The following STXBP6 variants were observed in gnomAD, a reference collection of about 807,000 sequenced individuals.
STXBP6 encodes the protein syntaxin binding protein 6.
In STXBP6, 21 loss-of-function variants were observed where a neutral mutation model predicts 26.9. The observed-to-expected ratio is 0.78, with a 90% CI of 0.55 to 1.12. STXBP6 has a LOEUF of 1.12. STXBP6 is among the 50% of genes most tolerant of loss of function. STXBP6 has a pLI of 0.00. For missense variants in STXBP6, 232 were observed against 257.9 expected, an observed-to-expected ratio of 0.90 and a Z score of 0.69; for synonymous variants, 97 against 92.6, an observed-to-expected ratio of 1.05 and a Z score of -0.27.
chr14:24,930,926 A>G (rs938656011), intron 2 of STXBP6, among the ~76,000 whole-genome samples: 1 of 147,150 alleles, frequency 6.8e-6, no homozygotes, highest in African/African-American at 2.5e-5. Flanking sequence ...CCTGGCTAAC[A>G]AGGTGAAACC....
chr14:25,019,853 A>G (rs1595332832), intron 1 of STXBP6, among the ~76,000 whole-genome samples: 1 of 150,138 alleles, frequency 6.7e-6, no homozygotes, highest in Non-Finnish European at 1.5e-5. Flanking sequence ...TTATTATAAA[A>G]TACAAGTTTC....
rs906528926 is a variant in STXBP6, at chr14:24,809,988, G to C, written c.*2721C>G. The C allele has an allele frequency of 6.6e-6, 1 of 152,068 alleles. No individual in the cohort carries two copies. The highest frequency in any genetic ancestry group is 2.1e-4 in the South Asian group (1 of 4,826). 9.4% of individuals were successfully genotyped at this position (152,068 alleles called of 1,614,324 possible). ...GAACTTCTTCAGAGCTTGAAAAAAGGTAACTACTGATCATGTTACATTTTA... is the reference window on the plus strand; with the variant it reads ...GAACTTCTTCAGAGCTTGAAAAAAGCTAACTACTGATCATGTTACATTTTA... On this transcript the variant is annotated 3_prime_UTR_variant, in exon 6 of 6. Transcript: ENST00000323944.
rs767480814 is a variant in STXBP6 at position 24,811,280 on chromosome 14, C to G, written c.*1429G>C. 1.3e-5 allele frequency: 2 copies of G among 152,058 alleles called. No homozygotes were observed. Among genetic ancestry groups the G allele is most frequent in the Non-Finnish European group, 2.9e-5 (2 of 68,020 alleles). The allele number at this position is 152,058 out of a possible 1,614,324, so 9.4% of individuals were successfully genotyped here. A position where few individuals can be genotyped will look rare whatever the true frequency, so the allele number is the denominator to read the frequency against. On this transcript the variant is annotated 3_prime_UTR_variant, in exon 6 of 6. Coordinates refer to ENST00000323944, the MANE Select transcript of STXBP6 (RefSeq NM_001394410.1). ...AACAATCCAAAAGTCATCTTATGCTCCTATGTAAGAGGCTGCAATACATAT... is the reference window on the plus strand; with the variant it reads ...AACAATCCAAAAGTCATCTTATGCTGCTATGTAAGAGGCTGCAATACATAT...
intron 2 of STXBP6, among the ~76,000 whole-genome samples, chr14:24,941,098 G>A (rs530909744): frequency 6.6e-6 from 1 of 152,250 alleles, no homozygotes; most frequent in African/African-American, 2.4e-5. Flanking sequence ...CTCAACCCAA[G>A]AGATGAAAAA....
At chr14:24,893,483 T>C (rs772952965) in intron 2 of STXBP6, among the ~76,000 whole-genome samples, 10 of 152,166 alleles carry the variant, frequency 6.6e-5, no homozygotes, top group Non-Finnish European at 1.3e-4. Flanking sequence ...CGCCAAGCAG[T>C]GCTGTCTTGC....
At chr14:24,983,718 T>G (rs2074257439) in intron 1 of STXBP6, among the ~76,000 whole-genome samples, 1 of 152,202 alleles carries the variant, frequency 6.6e-6, no homozygotes, top group Admixed American at 6.5e-5. Flanking sequence ...ACATGAGCTT[T>G]TTATATTAGA....
chr14:24,903,504 C>T (rs972086481), intron 2 of STXBP6, among the ~76,000 whole-genome samples: 1 of 152,058 alleles, frequency 6.6e-6, no homozygotes, highest in African/African-American at 2.4e-5. Flanking sequence ...TTTAGTACTG[C>T]CTAACAGTCC....
chr14:25,033,726 C>T (rs527844560), intron 1 of STXBP6, among the ~76,000 whole-genome samples: 1 of 152,164 alleles, frequency 6.6e-6, no homozygotes, highest in Non-Finnish European at 1.5e-5. Flanking sequence ...AACATGTACC[C>T]CCCTGGAGCA....
chr14:24,853,629 G>A (rs2069230919), intron 4 of STXBP6, among the ~76,000 whole-genome samples: 2 of 152,060 alleles, frequency 1.3e-5, no homozygotes, highest in Admixed American at 1.3e-4. Flanking sequence ...TGACACCTGG[G>A]AAAACTGAAG....
At chr14:25,042,519 C>T (rs2075659621) in intron 1 of STXBP6, among the ~76,000 whole-genome samples, 1 of 152,210 alleles carries the variant, frequency 6.6e-6, no homozygotes, top group Non-Finnish European at 1.5e-5. Flanking sequence ...CTTCTACCTG[C>T]TCGGTCTTAC....
At chr14:25,046,374 CA>C (rs1273735460) in intron 1 of STXBP6, among the ~76,000 whole-genome samples, 2 of 152,328 alleles carry the variant, frequency 1.3e-5, no homozygotes, top group Non-Finnish European at 2.9e-5. Flanking sequence ...GTCAGGAAGA[CA>C]GGTTTGGGCC....
chr14:24,939,103 GC>G (rs2072708605), intron 2 of STXBP6, among the ~76,000 whole-genome samples: 1 of 152,152 alleles, frequency 6.6e-6, no homozygotes, highest in Admixed American at 6.5e-5. Flanking sequence ...GCATTTATTT[GC>G]TTTTGTCTGA....
chr14:24,939,899 T>C (rs1951799), intron 2 of STXBP6, among the ~76,000 whole-genome samples: 89,688 of 151,938 alleles, frequency 0.59, 27,467 homozygotes, highest in Middle Eastern at 0.7. Context: ...CACATAGAGC[T>C]AGTGGCTGCT....
intron 1 of STXBP6, among the ~76,000 whole-genome samples, chr14:25,014,503 C>T (rs983695494): frequency 2.6e-5 from 4 of 152,116 alleles, no homozygotes; most frequent in African/African-American, 4.8e-5. Flanking sequence ...TTAAAAGCAG[C>T]CATGAAAATG....
intron 1 of STXBP6, among the ~76,000 whole-genome samples, chr14:25,013,121 T>C (rs2075067424): frequency 6.6e-6 from 1 of 152,148 alleles, no homozygotes; most frequent in African/African-American, 2.4e-5. Flanking sequence ...ATCAATGTAA[T>C]GGTTTGAAAC....
chr14:25,021,394 T>C (rs1188620890), intron 1 of STXBP6, among the ~76,000 whole-genome samples: 1 of 152,192 alleles, frequency 6.6e-6, no homozygotes, highest in African/African-American at 2.4e-5. Flanking sequence ...GTCCTGCCTT[T>C]AAAGCACTCC....
chr14:25,049,620 G>A lies in STXBP6; in HGVS notation c.-33+258C>T. On this transcript the variant is annotated intron_variant, in intron 1 of 5. Coordinates refer to ENST00000323944, the MANE Select transcript of STXBP6 (RefSeq NM_001394410.1). The surrounding 1 kb of genome is among the most constrained non-coding windows in gnomAD (Gnocchi z 5.6). ...GCTTGCCCAATACTGCCCGCACAACGGGTCCCAGGGTTGGAGAGAACCAGG... is the reference window on the plus strand; with the variant it reads ...GCTTGCCCAATACTGCCCGCACAACAGGTCCCAGGGTTGGAGAGAACCAGG... 1 of 985,416 alleles carries A rather than the reference G, an allele frequency of 1.0e-6. No individual in the cohort carries two copies. The highest frequency in any genetic ancestry group is 1.2e-6 in the Non-Finnish European group (1 of 829,928). 61.0% of individuals were successfully genotyped at this position (985,416 alleles called of 1,614,324 possible).
intron 2 of STXBP6, among the ~76,000 whole-genome samples, chr14:24,961,662 G>A (rs1311933819): frequency 6.6e-6 from 1 of 151,946 alleles, no homozygotes; most frequent in South Asian, 2.1e-4. Context: ...GGGTGGAAAG[G>A]AATGAGGATT....
At chr14:24,910,409 G>A (rs568044930) in intron 2 of STXBP6, among the ~76,000 whole-genome samples, 1 of 152,174 alleles carries the variant, frequency 6.6e-6, no homozygotes, top group Non-Finnish European at 1.5e-5. Context: ...TATCCCTGCA[G>A]CCTGCTGCAG....
Sources: allele counts gnomAD v4.1 joint callset (sites outside exome capture counted in the v4.1 genomes callset), GRCh38; gene constraint gnomAD v4.1.1; non-coding constraint Gnocchi (gnomAD v3.1); transcripts MANE v1.5; gene names NCBI Gene and HGNC (gene_info 2026-07-23, HGNC 2026-07-21).